Variants in MTMR7 observed in about 807,000 individuals in gnomAD.
MTMR7 encodes myotubularin related protein 7.
A neutral mutation model predicts 81.2 loss-of-function variants in MTMR7; 76 were observed. The observed-to-expected ratio is 0.94, with a 90% confidence interval of 0.78 to 1.13. The LOEUF is 1.13. Ranked by LOEUF, MTMR7 falls within the 50% of genes most tolerant of loss-of-function variation. The pLI is 0.00. For missense variants in MTMR7, 1,044 were observed against 820.0 expected (o/e 1.27, Z -3.34); for synonymous variants, 372 against 289.8 (o/e 1.28, Z -2.88).
rs191940111 is a variant in MTMR7, at chr8:17,335,041, C to T, written c.733-3759G>A. On this transcript the variant is annotated intron_variant, in intron 6 of 13. Coordinates refer to ENST00000180173, the MANE Select transcript of MTMR7 (RefSeq NM_004686.5). ...CACTACAACAGGCCCAGCCAAGGAACTGAGGCTCCACCTGTGGCAGCGGAG... is the reference window on the plus strand; with the variant it reads ...CACTACAACAGGCCCAGCCAAGGAATTGAGGCTCCACCTGTGGCAGCGGAG... Among the ~76,000 whole-genome samples the T allele has an allele frequency of 1.4e-4, 21 of 152,312 alleles. No individual in the cohort carries two copies. In the East Asian group the frequency reaches 4.1e-3, roughly 29 times the overall value.
At chr8:17,301,977 C>G (rs73208600) in intron 13 of MTMR7, 177 bp downstream of exon 13, 75,399 of 717,128 alleles carry the variant, frequency 0.11, 4,742 homozygotes, top group South Asian at 0.21. Context: ...GCATTAAATG[C>G]CTAGGTTTGG....
Position 17,361,903 on chromosome 8 carries a change from C to T in MTMR7, c.311-629G>A, listed in dbSNP as rs550830205. The stretch of plus-strand genomic sequence containing the variant: ...TGCACAGCGCTGTGCTCGTGGGATG[C>T]GAATTGAAGGCTGCATCATGATGTG... On this transcript the variant is annotated intron_variant, in intron 3 of 13. Transcript: ENST00000180173. 2.8e-4 allele frequency among the ~76,000 whole-genome samples: 42 copies of T among 152,254 alleles called. No individual in the cohort carries two copies. In the South Asian group the frequency reaches 4.6e-3, roughly 17 times the overall value.
Position 17,331,215 on chromosome 8 carries a change from T to C in MTMR7, c.800A>G (p.Lys267Arg), listed in dbSNP as rs1818982400. The change falls in exon 7 of 14, where the codon AAG becomes AGG. Residue 267 changes from lysine (K) to arginine (R), a missense_variant. By Grantham distance (26) the Lys-to-Arg change is conservative (BLOSUM62 2). Coordinates refer to ENST00000180173, the MANE Select transcript of MTMR7 (RefSeq NM_004686.5). ...YENEDNYSNI[K>R]FQFIGIENIH... ...GTTCTCTATCCCGATAAACTGAAAC[T>C]TGATATTGGAATAATTGTCTTCATT... is the stretch of plus-strand genomic sequence containing the variant. 1.2e-6 allele frequency: 2 copies of C among 1,612,886 alleles called. No homozygotes were observed. Among genetic ancestry groups the C allele is most frequent in the Non-Finnish European group, 1.7e-6 (2 of 1,179,642 alleles).
intron 8 of MTMR7, 150 bp from the exon 9 acceptor site, chr8:17,311,786 T>C: frequency 3.2e-6 from 4 of 1,245,714 alleles, no homozygotes; most frequent in Non-Finnish European, 4.5e-6. Flanking sequence ...CCCCCCTAAT[T>C]AGGGCAGAGC....
chr8:17,300,341 C>T, intron 13 of MTMR7, 117 bp from the exon 14 acceptor site: 1 of 1,152,830 alleles, frequency 8.7e-7, no homozygotes. Context: ...GAACATGTGA[C>T]TCAGAGGGAT....
Position 17,355,310 on chromosome 8 carries a change from T to C in MTMR7, c.468+5807A>G, listed in dbSNP as rs75815940. Among the ~76,000 whole-genome samples the C allele has an allele frequency of 2.7e-3, 408 of 152,192 alleles. 21 individuals carry two copies. In the East Asian group the frequency reaches 0.068, roughly 25 times the overall value. ...ATGAGAACAAATTAGTCTGATTACA[T>C]GAGTCAGATACTTTATAATAATTAA... On this transcript the variant is annotated intron_variant, in intron 4 of 13. Coordinates refer to ENST00000180173, the MANE Select transcript of MTMR7 (RefSeq NM_004686.5).
At chr8:17,303,357 G>GA (rs1008600752) in intron 12 of MTMR7, among the ~76,000 whole-genome samples, 3 of 151,762 alleles carry the variant, frequency 2.0e-5, no homozygotes, top group East Asian at 1.9e-4. Context: ...AAATAATTAA[G>GA]AAAAAAAACC....
rs954602714 is a variant in MTMR7 at position 17,297,530 on chromosome 8, T to G, written c.*2332A>C. 6.7e-6 allele frequency: 1 copy of G among 148,330 alleles called. No individual in the cohort carries two copies. The highest frequency in any genetic ancestry group is 2.5e-5 in the African/African-American group (1 of 39,356). 9.2% of individuals were successfully genotyped at this position (148,330 alleles called of 1,614,324 possible). ...TCTATAAAAAGCTCAGTTACTGATT[T>G]GCTGGGTCATGGTCAAAATTCTTAC... On this transcript the variant is annotated 3_prime_UTR_variant, in exon 14 of 14. Coordinates refer to ENST00000180173, the MANE Select transcript of MTMR7 (RefSeq NM_004686.5).
At chr8:17,397,828 G>C (rs1239029603) in intron 1 of MTMR7, among the ~76,000 whole-genome samples, 1 of 152,154 alleles carries the variant, frequency 6.6e-6, no homozygotes, top group Non-Finnish European at 1.5e-5. Context: ...GGTGGCCACA[G>C]GGGTACTTGT....
chr8:17,352,539 G>C (rs765461398), intron 4 of MTMR7, among the ~76,000 whole-genome samples: 1 of 152,110 alleles, frequency 6.6e-6, no homozygotes, highest in Non-Finnish European at 1.5e-5. Flanking sequence ...CATTGGAGTT[G>C]GCACTGATTT....
intron 1 of MTMR7, among the ~76,000 whole-genome samples, chr8:17,411,170 A>G (rs1006672851): frequency 5.3e-5 from 8 of 152,192 alleles, no homozygotes; most frequent in Non-Finnish European, 1.5e-5. Context: ...TCAAGGAATC[A>G]TTTATCTTTG....
intron 2 of MTMR7, among the ~76,000 whole-genome samples, chr8:17,372,234 G>A (rs1820442036): frequency 6.6e-6 from 1 of 152,148 alleles, no homozygotes; most frequent in Non-Finnish European, 1.5e-5. Context: ...CACTGTGCAC[G>A]AAATACAGCA....
At chr8:17,387,836 G>C (rs892705755) in intron 1 of MTMR7, among the ~76,000 whole-genome samples, 1 of 152,102 alleles carries the variant, frequency 6.6e-6, no homozygotes, top group Non-Finnish European at 1.5e-5. Context: ...TCTAGTTTAG[G>C]TCAAGGTAAA....
At chr8:17,336,205 G>A (rs192326848) in intron 6 of MTMR7, among the ~76,000 whole-genome samples, 2 of 152,144 alleles carry the variant, frequency 1.3e-5, no homozygotes, top group South Asian at 4.2e-4. Context: ...ATTCCAGTAC[G>A]CTCAACTTCC....
chr8:17,384,453 A>C (rs1563371801), intron 1 of MTMR7, among the ~76,000 whole-genome samples: 1 of 152,186 alleles, frequency 6.6e-6, no homozygotes, highest in African/African-American at 2.4e-5. Flanking sequence ...ACATATCCAT[A>C]ACACAGACTT....
chr8:17,320,566 A>G (rs967404353), intron 7 of MTMR7, among the ~76,000 whole-genome samples: 2 of 152,184 alleles, frequency 1.3e-5, no homozygotes, highest in African/African-American at 2.4e-5. Context: ...CCATAAAGTA[A>G]TGTACCCAGG....
At position 17,324,154 on chromosome 8, in the gene MTMR7, T is replaced by C. The variant is rs528896285; in HGVS notation, c.865+6996A>G. Among the ~76,000 whole-genome samples, 148 of 152,228 alleles carry C rather than the reference T, an allele frequency of 9.7e-4. 1 individual carries two copies. Among genetic ancestry groups the C allele is most frequent in the Non-Finnish European group, 1.7e-3 (115 of 68,044 alleles). On this transcript the variant is annotated intron_variant, in intron 7 of 13. Transcript: ENST00000180173. ...CAAGCAAGATCTTTCCTTCCTGCCA[T>C]GATTTCTGCTCTAGGTCAAAATTGG...
At chr8:17,356,179 C>T (rs1014890458) in intron 4 of MTMR7, among the ~76,000 whole-genome samples, 1 of 152,098 alleles carries the variant, frequency 6.6e-6, no homozygotes, top group Non-Finnish European at 1.5e-5. Context: ...TTGTGTCTTG[C>T]TTTTTCTAAC....
rs538211386 is a variant in MTMR7, at chr8:17,379,467, C to T, written c.25-6227G>A. On this transcript the variant is annotated intron_variant, in intron 1 of 13. Transcript: ENST00000180173. ...GGGGCATCTGCACTTGTGATACACA[C>T]GGGAAATAAAATGACTCCATTAGGC... Among the ~76,000 whole-genome samples, 36 of 152,230 alleles carry T rather than the reference C, an allele frequency of 2.4e-4. 1 individual carries two copies. The South Asian group carries it at 5.0e-3, about 21-fold the overall frequency.
Sources: allele counts gnomAD v4.1 joint callset (sites outside exome capture counted in the v4.1 genomes callset), GRCh38; gene constraint gnomAD v4.1.1; transcripts MANE v1.5; gene names NCBI Gene and HGNC (gene_info 2026-07-23, HGNC 2026-07-21).